NOC4L: variants seen among roughly 807,000 people sequenced by gnomAD.
The protein encoded by NOC4L is nucleolar complex associated 4 homolog.
NOC4L carries 40 observed loss-of-function variants against 62.8 expected under a neutral mutation model. That is an observed-to-expected ratio of 0.64 (90% CI 0.49 to 0.83). The LOEUF is 0.83. Among genes scored for constraint, NOC4L ranks in the 40% least tolerant of loss-of-function variants. The probability of loss-of-function intolerance (pLI) is 0.00; values close to 1 mark genes in which losing one functional copy is unlikely to be tolerated. For missense variants in NOC4L, 927 were observed against 701.9 expected, an observed-to-expected ratio of 1.32 and a Z score of -3.62; for synonymous variants, 433 against 299.8, an observed-to-expected ratio of 1.44 and a Z score of -4.59.
intron 8 of NOC4L, 44 bp downstream of exon 8, chr12:132,148,703 TC>T: frequency 2.0e-6 from 3 of 1,519,186 alleles, no homozygotes; most frequent in Non-Finnish European, 2.7e-6. Flanking sequence ...CATCCGGGTC[TC>T]CCCCAGGGCG....
intron 3 of NOC4L, among the ~76,000 whole-genome samples, chr12:132,146,977 C>T (rs191921502): frequency 1.3e-5 from 2 of 152,172 alleles, no homozygotes; most frequent in Non-Finnish European, 2.9e-5. Flanking sequence ...GTGGCATTCC[C>T]GTGACACAGG....
chr12:132,148,673 C>A lies in NOC4L; in HGVS notation c.789+14C>A. 2 of 352,900 alleles carry A rather than the reference C, an allele frequency of 5.7e-6. No homozygotes were observed. Among genetic ancestry groups the A allele is most frequent in the Non-Finnish European group, 1.0e-5 (2 of 191,346 alleles). 21.9% of individuals were successfully genotyped at this position (352,900 alleles called of 1,614,324 possible). A position where few individuals can be genotyped will look rare whatever the true frequency, so the allele number is the denominator to read the frequency against. ...CTCAAGCACAAGGTAGGGGCCAGGC[C>A]GGGGAGGGGGCGGGGGCGGCATCCG... On this transcript the variant is annotated intron_variant, in intron 8 of 14. Transcript: ENST00000330579.
At position 132,147,736 on chromosome 12, in the gene NOC4L, A is replaced by G. The variant is rs777672361; in HGVS notation, c.557A>G (p.Gln186Arg). The G allele has an allele frequency of 6.2e-7, 1 of 1,612,842 alleles. No individual in the cohort carries two copies. The highest frequency in any genetic ancestry group is 8.5e-7 in the Non-Finnish European group (1 of 1,179,950). ...GACGACACCCGCTACCACACCATGC[A>G]GGCAGCCGTGGATGCCGTGGCCCGG... ...DYDDTRYHTMQAAVDAVARVT... is the reference protein window; with the variant it reads ...DYDDTRYHTMRAAVDAVARVT... The change falls in exon 5 of 15, where the codon CAG becomes CGG. Residue 186 changes from glutamine to arginine, a missense_variant. Gln to Arg is a conservative substitution (Grantham distance 43, BLOSUM62 1). Coordinates refer to ENST00000330579, the MANE Select transcript of NOC4L (RefSeq NM_024078.3).
Position 132,151,037 on chromosome 12 carries a change from A to G in NOC4L, c.958A>G (p.Asn320Asp), listed in dbSNP as rs1442577734. The change falls in exon 10 of 15, where the codon AAC (asparagine) becomes GAC (aspartate). Residue 320 changes from asparagine to aspartate, a missense_variant. Transcript: ENST00000330579. ...NGLFILIHKH[N>D]LEYPDFYRKL... is the part of the protein sequence containing the mutation. The stretch of plus-strand genomic sequence containing the variant: ...GCTGTTCATCTTGATTCACAAACAC[A>G]ACCTGTGAGTGTCACCAGGGGTGCA... The G allele has an allele frequency of 1.9e-6, 3 of 1,610,552 alleles. No individual in the cohort carries two copies. The highest frequency in any genetic ancestry group is 2.5e-6 in the Non-Finnish European group (3 of 1,178,660).
intron 7 of NOC4L, 140 bp downstream of exon 7, chr12:132,148,246 G>T (rs1897800846): frequency 2.3e-6 from 2 of 859,466 alleles, no homozygotes; most frequent in African/African-American, 3.4e-5. Context: ...CGGCCACCAG[G>T]TCACTCGAAG....
In NOC4L at chr12:132,145,621, A is replaced by G. The variant is rs760573592; in HGVS notation, c.301A>G (p.Asn101Asp). ...WMRHRYHSCC[N>D]RLGELLGHPS... is the part of the protein sequence containing the mutation. ...GAGACACCGCTATCACAGCTGCTGC[A>G]ATCGCTTGGGAGAGCTCCTGGGCCA... The change falls in exon 3 of 15, where the codon AAT becomes GAT. Residue 101 changes from asparagine (N) to aspartate (D), a missense_variant. Physicochemically the swap from Asn to Asp is conservative, Grantham distance 23. Transcript: ENST00000330579. 36 of 1,613,494 alleles carry G rather than the reference A, an allele frequency of 2.2e-5. No individual in the cohort carries two copies. The East Asian group carries it at 8.0e-4, about 36-fold the overall frequency.
intron 10 of NOC4L, 57 bp downstream of exon 10, chr12:132,151,098 G>A (rs1276029751): frequency 6.5e-7 from 1 of 1,526,806 alleles, no homozygotes; most frequent in South Asian, 1.2e-5. Flanking sequence ...CTGCTCCTCT[G>A]TCCCCTTCCC....
At chr12:132,150,620 CCTCG>C (rs1317878698) in intron 9 of NOC4L, among the ~76,000 whole-genome samples, 637 of 1,540 alleles carry the variant, frequency 0.41, 279 homozygotes, top group South Asian at 0.66. Flanking sequence ...AGTGCCGCCG[CCTCG>C]CTCATACCAC....
At chr12:132,150,824 C>T (rs575531120) in intron 9 of NOC4L, 157 bp from the exon 10 acceptor site, 4 of 640,576 alleles carry the variant, frequency 6.2e-6, no homozygotes, top group Non-Finnish European at 1.1e-5. Context: ...CCCCACTCCC[C>T]TGCCCTGCAT....
intron 3 of NOC4L, among the ~76,000 whole-genome samples, chr12:132,146,605 A>G (rs1383374756): frequency 6.6e-6 from 1 of 152,166 alleles, no homozygotes; most frequent in African/African-American, 2.4e-5. Context: ...CATACTCCAC[A>G]TCCTCGCCAA....
Position 132,148,834 on chromosome 12 carries a change from C to A in NOC4L, c.840C>A (p.Ile280=), listed in dbSNP as rs1897832568. The change falls in exon 9 of 15, where the codon ATC becomes ATA. Residue 280 remains isoleucine (I), a synonymous_variant. Coordinates refer to ENST00000330579, the MANE Select transcript of NOC4L (RefSeq NM_024078.3). ...TGCTGCTGATTGTGCATGACGCCAT[C>A]CTGCCGCAGCTGGCGCAGCCCACGC... ...KKVLLIVHDA[I]LPQLAQPTLM... The A allele has an allele frequency of 6.2e-7, 1 of 1,603,830 alleles. No individual in the cohort carries two copies. Among genetic ancestry groups the A allele is most frequent in the Non-Finnish European group, 8.5e-7 (1 of 1,178,620 alleles).
Position 132,144,844 on chromosome 12 carries a change from T to A in NOC4L, c.118-10T>A. On this transcript the variant is annotated splice_polypyrimidine_tract_variant and intron_variant, in intron 1 of 14. Coordinates refer to ENST00000330579, the MANE Select transcript of NOC4L (RefSeq NM_024078.3). ...GGCGGCCGGGCACCCTGCCGCCGCC[T>A]CTCCTGCAGTCTGAGGACCAGGAGG... The A allele has an allele frequency of 6.3e-7, 1 of 1,596,764 alleles. No individual in the cohort carries two copies. The highest frequency in any genetic ancestry group is 1.1e-5 in the South Asian group (1 of 88,364).
In NOC4L at chr12:132,151,789, G is replaced by A. The variant is rs763754275; in HGVS notation, c.1286G>A (p.Arg429Gln). 280 of 1,612,124 alleles carry A rather than the reference G, an allele frequency of 1.7e-4. No individual in the cohort carries two copies. Among genetic ancestry groups the A allele is most frequent in the East Asian group, 1.2e-3 (54 of 44,830 alleles). The stretch of plus-strand genomic sequence containing the variant: ...GGAGAGGAGGACCCAGCCCAGAGCC[G>A]GGCCTTGGAGAGCTCCCTGTGGGAG... ...DPGEEDPAQS[R>Q]ALESSLWELQ... Residue 429 changes from arginine (R) to glutamine (Q), a missense_variant, in exon 13 of 15, where the codon CGG becomes CAG. Coordinates refer to ENST00000330579, the MANE Select transcript of NOC4L (RefSeq NM_024078.3).
chr12:132,150,761 C>T lies in NOC4L; in HGVS notation c.902-220C>T, dbSNP rs141521979. On this transcript the variant is annotated intron_variant, in intron 9 of 14. Coordinates refer to ENST00000330579, the MANE Select transcript of NOC4L (RefSeq NM_024078.3). Reference sequence around the variant, plus strand: ...TCGGTGAGTGCCGCCGCCTCGCTCACACCCCCAACCCCCACCCCGCAGCAC... The same window carrying T: ...TCGGTGAGTGCCGCCGCCTCGCTCATACCCCCAACCCCCACCCCGCAGCAC... The T allele has an allele frequency of 1.3e-3, 755 of 587,934 alleles. 43 individuals carry two copies. The highest frequency in any genetic ancestry group is 0.013 in the African/African-American group (616 of 48,612). 36.4% of individuals were successfully genotyped at this position (587,934 alleles called of 1,614,324 possible). A position where few individuals can be genotyped will look rare whatever the true frequency, so the allele number is the denominator to read the frequency against.
At chr12:132,151,206 C>T (rs1897925097) in intron 10 of NOC4L, 52 bp from the exon 11 acceptor site, 4 of 1,507,496 alleles carry the variant, frequency 2.7e-6, no homozygotes, top group Non-Finnish European at 3.7e-6. Flanking sequence ...GCCTTGGAGG[C>T]CTCAGTTCCC....
chr12:132,151,055 G>T lies in NOC4L; in HGVS notation c.962+14G>T. On this transcript the variant is annotated intron_variant, in intron 10 of 14. Transcript: ENST00000330579. ...CAAACACAACCTGTGAGTGTCACCAGGGGTGCAGGTCTTCTTCCCAGTCTG... is the reference window on the plus strand; with the variant it reads ...CAAACACAACCTGTGAGTGTCACCATGGGTGCAGGTCTTCTTCCCAGTCTG... 2.5e-6 allele frequency: 4 copies of T among 1,607,196 alleles called. No homozygotes were observed. Among genetic ancestry groups the T allele is most frequent in the Non-Finnish European group, 3.4e-6 (4 of 1,176,358 alleles).
chr12:132,151,448 G>A lies in NOC4L; in HGVS notation c.1074-36G>A, dbSNP rs751999398. 184 of 1,600,000 alleles carry A rather than the reference G, an allele frequency of 1.2e-4. 1 individual carries two copies. The Middle Eastern group carries it at 3.8e-3, about 33-fold the overall frequency. On this transcript the variant is annotated intron_variant, in intron 11 of 14. Transcript: ENST00000330579. ...CAGGGGAGGGTGGTGGGGGCTAGCA[G>A]TCCGGGCCCTGTCTCACAACCACTG...
In NOC4L at chr12:132,144,504, G is replaced by A. The variant is rs1219277622; in HGVS notation, c.16G>A (p.Gly6Ser). 52 of 1,520,924 alleles carry A rather than the reference G, an allele frequency of 3.4e-5. No homozygotes were observed. Among genetic ancestry groups the A allele is most frequent in the Non-Finnish European group, 3.9e-5 (45 of 1,145,248 alleles). 94.2% of individuals were successfully genotyped at this position (1,520,924 alleles called of 1,614,324 possible). The change falls in exon 1 of 15, where the codon GGC becomes AGC. Residue 6 changes from glycine (G) to serine (S), a missense_variant. Transcript: ENST00000330579. MEREPGAAGVRRALGR... is the reference protein window; with the variant it reads MEREPSAAGVRRALGR... Reference sequence around the variant, plus strand: ...TGGGGGCGGCATGGAGCGGGAGCCGGGCGCCGCGGGAGTTCGCCGGGCTCT... The same window carrying A: ...TGGGGGCGGCATGGAGCGGGAGCCGAGCGCCGCGGGAGTTCGCCGGGCTCT...
At position 132,152,337 on chromosome 12, in the gene NOC4L, T is replaced by C; in HGVS notation, c.1487T>C (p.Ile496Thr). Residue 496 changes from isoleucine to threonine, a missense_variant, in exon 15 of 15, where the codon ATC becomes ACC. Transcript: ENST00000330579. Reference protein sequence around the residue: ...KGPEPVPLEFIPAQGLLGRPG... With the variant: ...KGPEPVPLEFTPAQGLLGRPG... Reference sequence around the variant, plus strand: ...CCCGAGCCGGTGCCACTGGAGTTTATCCCAGCCCAGGGCCTGCTGGGACGG... The same window carrying C: ...CCCGAGCCGGTGCCACTGGAGTTTACCCCAGCCCAGGGCCTGCTGGGACGG... 6.4e-7 allele frequency: 1 copy of C among 1,569,000 alleles called. No individual in the cohort carries two copies. The highest frequency in any genetic ancestry group is 8.6e-7 in the Non-Finnish European group (1 of 1,156,282).
Sources: gnomAD v4.1 joint callset for allele counts (sites outside exome capture counted in the v4.1 genomes callset) on GRCh38, gnomAD v4.1.1 for gene constraint, MANE v1.5 for transcripts, NCBI Gene and HGNC (gene_info 2026-07-23, HGNC 2026-07-21) for gene names.